Variants in NLRP5 observed in about 807,000 individuals in gnomAD.
The protein encoded by NLRP5 is NACHT, LRR and PYD domains-containing protein 5.
In NLRP5, 93 loss-of-function variants were observed where a neutral mutation model predicts 113.1. That is an observed-to-expected ratio of 0.82 (90% confidence interval 0.70 to 0.98). The LOEUF (loss-of-function observed/expected upper bound fraction) is 0.98. Ranked by LOEUF, NLRP5 falls within the 50% of genes least tolerant of loss-of-function variation. The probability of loss-of-function intolerance (pLI) is 0.00; values close to 1 mark genes in which losing one functional copy is unlikely to be tolerated. For synonymous variants in NLRP5, 751 were observed against 600.7 expected (o/e 1.25, Z -3.66); for missense variants, 1,808 against 1,514.3 (o/e 1.19, Z -3.22).
chr19:56,027,581 C>G lies in NLRP5; in HGVS notation c.1348C>G (p.Gln450Glu), dbSNP rs751220923. 6.2e-7 allele frequency: 1 copy of G among 1,613,940 alleles called. No homozygotes were observed. The highest frequency in any genetic ancestry group is 1.1e-5 in the South Asian group (1 of 91,080). The change falls in exon 7 of 15, where the codon CAG becomes GAG. Residue 450 changes from glutamine (Q) to glutamate (E), a missense_variant. By Grantham distance (29) the Gln-to-Glu change is conservative (BLOSUM62 2). Transcript: ENST00000390649. ...CCTTGAGCGCGGGATTGGTGAGCAT[C>G]AGAAGACACAAGGGTTGCGTGCGAT... is the stretch of plus-strand genomic sequence containing the variant.
chr19:56,001,336 C>CAAA, intron 1 of NLRP5, among the ~76,000 whole-genome samples: 1 of 129,612 alleles, frequency 7.7e-6, no homozygotes, highest in East Asian at 2.4e-4. Context: ...AAAAAAAAAA[C>CAAA]AAACAAAAAA....
intron 6 of NLRP5, 34 bp from the exon 7 acceptor site, chr19:56,026,879 T>C (rs1982874005): frequency 1.3e-6 from 2 of 1,534,592 alleles, no homozygotes; most frequent in African/African-American, 2.7e-5. Flanking sequence ...CCTGGTCTGT[T>C]TCCTGATTTT....
Position 56,038,227 on chromosome 19 carries a change from C to A in NLRP5, c.2786+32C>A, listed in dbSNP as rs759550470. Reference sequence around the variant, plus strand: ...GCCACTTCCTTTCCACCAGGATTATCGTAACTTCCACCAGGATTATCGTAA... The same window carrying A: ...GCCACTTCCTTTCCACCAGGATTATAGTAACTTCCACCAGGATTATCGTAA... On this transcript the variant is annotated intron_variant, in intron 10 of 14. Transcript: ENST00000390649. 12 of 1,573,640 alleles carry A rather than the reference C, an allele frequency of 7.6e-6. No homozygotes were observed. In the South Asian group the frequency reaches 1.3e-4, roughly 18 times the overall value.
chr19:56,049,655 C>A (rs927440626), intron 11 of NLRP5, among the ~76,000 whole-genome samples: 1 of 152,120 alleles, frequency 6.6e-6, no homozygotes, highest in East Asian at 1.9e-4. Flanking sequence ...CTGAGACTTT[C>A]CAGACCATTT....
At chr19:56,041,187 A>T in intron 11 of NLRP5, 95 bp downstream of exon 11, 1 of 1,179,396 alleles carries the variant, frequency 8.5e-7, no homozygotes. Context: ...GGGGGTGTGG[A>T]CATCATCACA....
At chr19:56,012,350 A>G (rs922536372) in intron 3 of NLRP5, among the ~76,000 whole-genome samples, 1 of 151,022 alleles carries the variant, frequency 6.6e-6, no homozygotes, top group African/African-American at 2.4e-5. Flanking sequence ...GGGTTTCACC[A>G]TGTTGGCCAG....
chr19:56,020,343 A>G lies in NLRP5; in HGVS notation c.623-32A>G, dbSNP rs1982567587. 4 of 1,611,860 alleles carry G rather than the reference A, an allele frequency of 2.5e-6. No individual in the cohort carries two copies. In the East Asian group the frequency reaches 8.9e-5, roughly 36 times the overall value. ...CTGACATCTCTGACTCGAATAATAA[A>G]CACAAGTATGTTGGAATTCATTCTT... On this transcript the variant is annotated intron_variant, in intron 5 of 14. Transcript: ENST00000390649.
rs1370111661 is a variant in NLRP5 at position 56,032,624 on chromosome 19, A to G, written c.2290A>G (p.Thr764Ala). The change falls in exon 8 of 15, where the codon ACC (threonine) becomes GCC (alanine). Residue 764 changes from threonine (T) to alanine (A), a missense_variant. Physicochemically the swap from Thr to Ala is moderately conservative, Grantham distance 58 (BLOSUM62 0). Coordinates refer to ENST00000390649, the MANE Select transcript of NLRP5 (RefSeq NM_153447.4). ...CCCCTGACATAGGATGCGGGATAAG[A>G]CCCTCATTGAGGAGCAGTGGGAAGA... 1 of 1,613,166 alleles carries G rather than the reference A, an allele frequency of 6.2e-7. No homozygotes were observed. The highest frequency in any genetic ancestry group is 8.5e-7 in the Non-Finnish European group (1 of 1,179,586).
At chr19:56,039,419 T>C (rs574464807) in intron 10 of NLRP5, among the ~76,000 whole-genome samples, 53 of 152,174 alleles carry the variant, frequency 3.5e-4, no homozygotes, top group Middle Eastern at 3.2e-3. Context: ...TAATCTTACC[T>C]GGATGGCAGT....
upstream of NLRP5, chr19:55,999,617 C>G: frequency 1.2e-6 from 1 of 838,320 alleles, no homozygotes; most frequent in East Asian, 2.5e-5. Flanking sequence ...TCACTTGTTG[C>G]TTCACTGAAA....
chr19:56,053,051 C>T (rs942263672), intron 12 of NLRP5, among the ~76,000 whole-genome samples: 1 of 151,864 alleles, frequency 6.6e-6, no homozygotes, highest in African/African-American at 2.4e-5. Context: ...GAGCCGATAT[C>T]GTGCCATTGC....
rs56651636 is a variant in NLRP5, at chr19:56,019,841, A to ATT, written c.622+455_622+456dup. On this transcript the variant is annotated intron_variant, in intron 5 of 14. Transcript: ENST00000390649. Reference sequence around the variant, plus strand: ...GAAAAACATGTCTTGCCTTCATGGCATTTTTTTTTTTTTGAGAAGGAGTCT... The same window carrying ATT: ...GAAAAACATGTCTTGCCTTCATGGCATTTTTTTTTTTTTTTGAGAAGGAGTCT... 5.6e-3 allele frequency among the ~76,000 whole-genome samples: 804 copies of ATT among 142,870 alleles called. 23 individuals are homozygous for ATT. Among genetic ancestry groups the ATT allele is most frequent in the South Asian group, 0.022 (102 of 4,550 alleles). The allele number at this position is 142,870 out of a possible 152,430, so 93.7% of individuals were successfully genotyped here.
At chr19:55,992,198 C>T in the NLRP5 span, among the ~76,000 whole-genome samples, 1 of 152,158 alleles carries the variant, frequency 6.6e-6, no homozygotes, top group African/African-American at 2.4e-5. Flanking sequence ...AAGACATGAT[C>T]TCATTCTTTT....
chr19:56,045,502 A>C (rs143124132), intron 11 of NLRP5, among the ~76,000 whole-genome samples: 1 of 151,918 alleles, frequency 6.6e-6, no homozygotes, highest in Admixed American at 6.6e-5. Flanking sequence ...GCATGTTGGT[A>C]TGCACCCATT....
Position 56,003,920 on chromosome 19 carries a change from A to G in NLRP5, c.267A>G (p.Ser89=), listed in dbSNP as rs769257961. The G allele has an allele frequency of 4.3e-6, 7 of 1,613,944 alleles. No individual in the cohort carries two copies. In the African/African-American group the frequency reaches 9.3e-5, roughly 22 times the overall value. Residue 89 remains serine, a synonymous_variant, in exon 2 of 15, where the codon TCA becomes TCG. Transcript: ENST00000390649. ...AGGAATTACTAAAGAAGAAATCTTC[A>G]GAATCGACCACATGCTCTATTCCAC...
At chr19:55,992,086 T>C in the NLRP5 span, among the ~76,000 whole-genome samples, 2 of 152,180 alleles carry the variant, frequency 1.3e-5, 1 homozygote, top group South Asian at 4.1e-4. Context: ...TGTGTTCTTA[T>C]TTAGCTCCCA....
intron 3 of NLRP5, among the ~76,000 whole-genome samples, chr19:56,012,661 AC>A (rs1982244064): frequency 2.9e-5 from 2 of 69,508 alleles, no homozygotes; most frequent in African/African-American, 4.7e-5. Context: ...GAACGATCTT[AC>A]AATTATTTTC....
In NLRP5 at chr19:56,027,190, C is replaced by T. The variant is rs1876337142; in HGVS notation, c.957C>T (p.Leu319=). The T allele has an allele frequency of 6.2e-7, 1 of 1,609,636 alleles. No individual in the cohort carries two copies. The highest frequency in any genetic ancestry group is 8.5e-7 in the Non-Finnish European group (1 of 1,178,128). ...GAATGTTCTCCTACGTCTTCTTCCTCCCCGTTAGAGAGATGCAGCGGAAGA... is the reference window on the plus strand; with the variant it reads ...GAATGTTCTCCTACGTCTTCTTCCTTCCCGTTAGAGAGATGCAGCGGAAGA... Residue 319 remains leucine, a synonymous_variant, in exon 7 of 15, where the codon CTC becomes CTT. Transcript: ENST00000390649.
At chr19:56,015,832 C>A in intron 4 of NLRP5, 34 bp downstream of exon 4, 2 of 1,512,766 alleles carry the variant, frequency 1.3e-6, no homozygotes, top group East Asian at 4.9e-5. Flanking sequence ...TTGTTGCCCT[C>A]CTGGAAGAAA....
Sources: gnomAD v4.1 joint callset for allele counts (sites outside exome capture counted in the v4.1 genomes callset) on GRCh38, gnomAD v4.1.1 for gene constraint, MANE v1.5 for transcripts, NCBI Gene and HGNC (gene_info 2026-07-23, HGNC 2026-07-21) for gene names.